Variants in DACH1 observed in about 807,000 individuals in gnomAD.
DACH1 encodes dachshund homolog 1.
Under a neutral mutation model 54.2 loss-of-function variants are expected in DACH1, and 12 were observed. That is an observed-to-expected ratio of 0.22 (90% CI 0.14 to 0.36). DACH1 has a LOEUF of 0.36. Among genes scored for constraint, DACH1 ranks in the 10% least tolerant of loss-of-function variants. The pLI is 1.00. For missense variants in DACH1, 805 were observed against 929.8 expected, an observed-to-expected ratio of 0.87 and a Z score of 1.75; for synonymous variants, 386 against 366.2, an observed-to-expected ratio of 1.05 and a Z score of -0.62.
intron 1 of DACH1, among the ~76,000 whole-genome samples, chr13:71,724,196 C>T (rs906264481): frequency 6.6e-6 from 1 of 152,028 alleles, no homozygotes; most frequent in African/African-American, 2.4e-5. Flanking sequence ...TATGAAAAAA[C>T]TTCTATCATC....
At chr13:71,634,273 T>G (rs1485901287) in intron 2 of DACH1, among the ~76,000 whole-genome samples, 1 of 152,018 alleles carries the variant, frequency 6.6e-6, no homozygotes, top group Admixed American at 6.6e-5. Context: ...GCACCTGGCC[T>G]GAAAGTGAGG....
intron 1 of DACH1, among the ~76,000 whole-genome samples, chr13:71,689,012 T>G (rs1176091379): frequency 1.3e-5 from 2 of 152,188 alleles, no homozygotes; most frequent in Non-Finnish European, 2.9e-5. Context: ...AACATAGGCA[T>G]TTACTAAACT....
chr13:71,784,894 G>C (rs1886527840), intron 1 of DACH1, among the ~76,000 whole-genome samples: 1 of 152,090 alleles, frequency 6.6e-6, no homozygotes, highest in South Asian at 2.1e-4. Context: ...TAAGACTTCA[G>C]CAATGTATGG....
chr13:71,679,859 G>A (rs116331814), intron 2 of DACH1, among the ~76,000 whole-genome samples: 9,729 of 150,176 alleles, frequency 0.065, 920 homozygotes, highest in African/African-American at 0.21. Flanking sequence ...GCACATGCCC[G>A]TGATCCCACC....
At chr13:71,655,559 C>T (rs1879037304) in intron 2 of DACH1, among the ~76,000 whole-genome samples, 1 of 151,904 alleles carries the variant, frequency 6.6e-6, no homozygotes, top group African/African-American at 2.4e-5. Flanking sequence ...TCAGGAGAGA[C>T]AGGGTTTCTC....
At chr13:71,647,920 G>A (rs577586859) in intron 2 of DACH1, among the ~76,000 whole-genome samples, 3 of 152,288 alleles carry the variant, frequency 2.0e-5, no homozygotes, top group Admixed American at 6.5e-5. Flanking sequence ...AGTTTCAGAG[G>A]ATAATATCAT....
At chr13:71,447,823 A>C (rs935907196) in intron 10 of DACH1, among the ~76,000 whole-genome samples, 5 of 152,094 alleles carry the variant, frequency 3.3e-5, no homozygotes, top group Admixed American at 6.6e-5. Flanking sequence ...AAAAAAAAAA[A>C]AAACCCACTC....
At chr13:71,475,044 G>A in intron 10 of DACH1, 97 bp downstream of exon 10, 1 of 1,056,090 alleles carries the variant, frequency 9.5e-7, no homozygotes. Flanking sequence ...GTTTTGATGT[G>A]GCCCAGATGG....
intron 2 of DACH1, among the ~76,000 whole-genome samples, chr13:71,658,320 C>T (rs1467847612): frequency 1.3e-5 from 2 of 152,128 alleles, no homozygotes; most frequent in East Asian, 1.9e-4. Context: ...GAAGCTGAGG[C>T]GGGTGGATCA....
intron 2 of DACH1, 99 bp downstream of exon 2, chr13:71,681,696 T>C (rs756433610): frequency 4.3e-6 from 3 of 702,086 alleles, no homozygotes; most frequent in Non-Finnish European, 4.8e-6. Flanking sequence ...CAAAATATAA[T>C]TGATGTGTGT....
At chr13:71,458,515 AT>A (rs1875786967) in intron 10 of DACH1, among the ~76,000 whole-genome samples, 1 of 151,890 alleles carries the variant, frequency 6.6e-6, no homozygotes, top group Non-Finnish European at 1.5e-5. Context: ...TAGGGAAAAA[AT>A]ATCAAAATTT....
In DACH1 at chr13:71,456,097, C is replaced by CTT. The variant is rs200263628; in HGVS notation, c.2084-15406_2084-15405insAA. Among the ~76,000 whole-genome samples, 1,357 of 152,150 alleles carry CTT rather than the reference C, an allele frequency of 8.9e-3. 9 individuals carry two copies. The highest frequency in any genetic ancestry group is 0.017 in the African/African-American group (722 of 41,546). ...TCTAGAAACAAAGAATTTCAGGAAA[C>CTT]ATCTGAGCACTATGGACTTATAATT... On this transcript the variant is annotated intron_variant, in intron 10 of 10. Transcript: ENST00000613252.
intron 6 of DACH1, among the ~76,000 whole-genome samples, chr13:71,552,826 TATATATATATATATATAGAGAGAG>T (rs1566335517): frequency 2.7e-4 from 13 of 48,578 alleles, no homozygotes; most frequent in African/African-American, 3.5e-4. Context: ...TATATATATA[TATATATATATATATATAGAGAGAG>T]AGAGAGAGAG....
intron 1 of DACH1, among the ~76,000 whole-genome samples, chr13:71,797,714 C>T (rs9572791): frequency 0.17 from 25,609 of 151,878 alleles, 3,931 homozygotes; most frequent in East Asian, 0.83. Context: ...CCGAATGTTC[C>T]GAGATATTTA....
At chr13:71,764,186 A>G (rs1004550221) in intron 1 of DACH1, among the ~76,000 whole-genome samples, 1 of 152,140 alleles carries the variant, frequency 6.6e-6, no homozygotes, top group Non-Finnish European at 1.5e-5. Flanking sequence ...GCTCTAACTT[A>G]TGCTATATTA....
At chr13:71,688,282 G>A (rs774847220) in intron 1 of DACH1, among the ~76,000 whole-genome samples, 16 of 152,244 alleles carry the variant, frequency 1.1e-4, no homozygotes, top group East Asian at 5.8e-4. Flanking sequence ...CAAAAGAAGC[G>A]GCTGATTTGG....
At chr13:71,558,745 T>C (rs1566340623) in intron 5 of DACH1, among the ~76,000 whole-genome samples, 1 of 152,046 alleles carries the variant, frequency 6.6e-6, no homozygotes. Flanking sequence ...TAGTATTATG[T>C]TGAACTATAT....
intron 10 of DACH1, among the ~76,000 whole-genome samples, chr13:71,441,383 T>C (rs1254290234): frequency 1.3e-5 from 2 of 151,926 alleles, no homozygotes; most frequent in African/African-American, 4.8e-5. Flanking sequence ...TAATAAGAAA[T>C]AGGAAATTAA....
chr13:71,725,072 T>C (rs533262994), intron 1 of DACH1, among the ~76,000 whole-genome samples: 7 of 151,958 alleles, frequency 4.6e-5, no homozygotes, highest in Non-Finnish European at 1.0e-4. Context: ...AAACTGAAAC[T>C]GTAAAAAAAA....
Sources: allele counts gnomAD v4.1 joint callset (sites outside exome capture counted in the v4.1 genomes callset), GRCh38; gene constraint gnomAD v4.1.1; transcripts MANE v1.5; gene names NCBI Gene and HGNC (gene_info 2026-07-23, HGNC 2026-07-21).